Variants in PCDHGA2 observed in about 807,000 individuals in gnomAD.
PCDHGA2 encodes protocadherin gamma subfamily A, 2.
A neutral mutation model predicts 59.2 loss-of-function variants in PCDHGA2; 40 were observed. The ratio of observed to expected loss-of-function variants is 0.68; its 90% CI spans 0.52 to 0.88. The LOEUF is 0.88. PCDHGA2 is among the 40% of genes least tolerant of loss of function. The pLI is 0.00. For synonymous variants in PCDHGA2, 560 were observed against 526.0 expected (o/e 1.06, Z -0.89); for missense variants, 1,226 against 1,204.0 (o/e 1.02, Z -0.27).
chr5:141,362,158 C>G, intron 1 of PCDHGA2: 1 of 1,614,034 alleles, frequency 6.2e-7, no homozygotes, highest in South Asian at 1.1e-5. Flanking sequence ...ATTGCCAGAC[C>G]TCAGCGACCG....
intron 1 of PCDHGA2, among the ~76,000 whole-genome samples, chr5:141,469,189 T>C (rs1393685141): frequency 2.6e-5 from 4 of 151,710 alleles, no homozygotes; most frequent in African/African-American, 9.7e-5. Flanking sequence ...GGCAAGAGGA[T>C]TGCTTGAGCC....
In PCDHGA2 at chr5:141,489,053, G is replaced by C; in HGVS notation, c.2425-5754G>C. 1 of 473,650 alleles carries C rather than the reference G, an allele frequency of 2.1e-6. No homozygotes were observed. Among genetic ancestry groups the C allele is most frequent in the Non-Finnish European group, 3.7e-6 (1 of 270,732 alleles). The allele number at this position is 473,650 out of a possible 1,614,324, so 29.3% of individuals were successfully genotyped here. A position where few individuals can be genotyped will look rare whatever the true frequency, so the allele number is the denominator to read the frequency against. On this transcript the variant is annotated intron_variant, in intron 1 of 3. Transcript: ENST00000394576. The surrounding 1 kb of genome is among the most constrained non-coding windows in gnomAD (Gnocchi z 4.5). ...AGCTCCCCAGCTCCACTCAAATTCA[G>C]CTCCCCTCCCCCCTGCCCACCCCCG...
chr5:141,393,682 C>T (rs756181553), intron 1 of PCDHGA2: 18 of 1,613,870 alleles, frequency 1.1e-5, no homozygotes, highest in Non-Finnish European at 1.3e-5. Context: ...AAACAAACTC[C>T]GTTATTCCAG....
intron 1 of PCDHGA2, chr5:141,423,297 C>T: frequency 1.9e-6 from 3 of 1,614,170 alleles, no homozygotes; most frequent in South Asian, 1.1e-5. Flanking sequence ...CCTCAGACCT[C>T]TCGCTGTACT....
chr5:141,383,620 G>C, intron 1 of PCDHGA2: 1 of 1,613,872 alleles, frequency 6.2e-7, no homozygotes, highest in Middle Eastern at 1.6e-4. Flanking sequence ...CCACACGCCT[G>C]TCTTCTCTCT....
chr5:141,372,816 T>C lies in PCDHGA2; in HGVS notation c.2424+31421T>C, dbSNP rs1480093678. The C allele has an allele frequency of 3.2e-6, 5 of 1,580,556 alleles. No homozygotes were observed. In the Admixed American group the frequency reaches 9.1e-5, roughly 29 times the overall value. On this transcript the variant is annotated intron_variant, in intron 1 of 3. Transcript: ENST00000394576. ...TTCAGGCAATTTGCAAAAGGTGAGTTTCTTCAAACCTTTCCTTCCATAAAT... is the reference window on the plus strand; with the variant it reads ...TTCAGGCAATTTGCAAAAGGTGAGTCTCTTCAAACCTTTCCTTCCATAAAT...
chr5:141,458,496 A>T (rs905073741), intron 1 of PCDHGA2, among the ~76,000 whole-genome samples: 1 of 151,694 alleles, frequency 6.6e-6, no homozygotes, highest in Non-Finnish European at 1.5e-5. Flanking sequence ...CTGCCTGTAC[A>T]TACTGTTTGA....
rs530963064 is a variant in PCDHGA2, at chr5:141,404,506, C to G, written c.2424+63111C>G. ...ACACTGGTGTGCTGTATGCTCTGTG[C>G]TCCTTTGACTATGAGCAGTTTAGAG... is the stretch of plus-strand genomic sequence containing the variant. On this transcript the variant is annotated intron_variant, in intron 1 of 3. Coordinates refer to ENST00000394576, the MANE Select transcript of PCDHGA2 (RefSeq NM_018915.4). The G allele has an allele frequency of 3.2e-5, 52 of 1,613,814 alleles. No individual in the cohort carries two copies. Among genetic ancestry groups the G allele is most frequent in the Non-Finnish European group, 4.3e-5 (51 of 1,179,838 alleles).
At chr5:141,499,331 TCA>T (rs2099791249) in intron 2 of PCDHGA2, among the ~76,000 whole-genome samples, 1 of 152,220 alleles carries the variant, frequency 6.6e-6, no homozygotes, top group African/African-American at 2.4e-5. Context: ...CTGCTCTCTC[TCA>T]GTTTGGGCAG....
intron 1 of PCDHGA2, chr5:141,362,603 C>A: frequency 6.4e-7 from 1 of 1,572,606 alleles, no homozygotes; most frequent in Non-Finnish European, 8.6e-7. Context: ...ATTGTTTCAC[C>A]TAATTTGGGT....
chr5:141,491,850 T>C lies in PCDHGA2; in HGVS notation c.2425-2957T>C. ...CCCGATTCTCGGGATCATTGGACCG[T>C]TTGCGCGAAACCAGAGTGGCCGATT... On this transcript the variant is annotated intron_variant, in intron 1 of 3. Transcript: ENST00000394576. The surrounding 1 kb of genome is among the most constrained non-coding windows in gnomAD (Gnocchi z 6.9). 6.8e-7 allele frequency: 1 copy of C among 1,460,996 alleles called. No homozygotes were observed. The highest frequency in any genetic ancestry group is 2.5e-5 in the East Asian group (1 of 40,084). The allele number at this position is 1,460,996 out of a possible 1,614,324, so 90.5% of individuals were successfully genotyped here.
intron 1 of PCDHGA2, among the ~76,000 whole-genome samples, chr5:141,488,738 A>G (rs1462948813): frequency 1.3e-5 from 2 of 152,222 alleles, no homozygotes; most frequent in Non-Finnish European, 2.9e-5. Context: ...TTCTGAAGTC[A>G]TGCAGGAAGT....
At chr5:141,472,408 G>T (rs780468341) in intron 1 of PCDHGA2, among the ~76,000 whole-genome samples, 1 of 152,064 alleles carries the variant, frequency 6.6e-6, no homozygotes, top group Non-Finnish European at 1.5e-5. Flanking sequence ...AGGCGTGGTG[G>T]CACGCACCTG....
At chr5:141,445,148 C>A (rs1051995635) in intron 1 of PCDHGA2, among the ~76,000 whole-genome samples, 3 of 152,092 alleles carry the variant, frequency 2.0e-5, no homozygotes, top group Non-Finnish European at 4.4e-5. Context: ...TCTAATTGTT[C>A]ATTTCTAGTT....
At chr5:141,347,424 C>T (rs1015166008) in intron 1 of PCDHGA2, among the ~76,000 whole-genome samples, 5 of 151,938 alleles carry the variant, frequency 3.3e-5, no homozygotes, top group Non-Finnish European at 7.4e-5. Flanking sequence ...CAAAGTACTG[C>T]GATTAGAGGC....
At chr5:141,343,778 A>G in intron 1 of PCDHGA2, 1 of 411,218 alleles carries the variant, frequency 2.4e-6, no homozygotes, top group Non-Finnish European at 4.3e-6. Context: ...TAGGCCTCTT[A>G]GTGTCGCTGT....
intron 1 of PCDHGA2, among the ~76,000 whole-genome samples, chr5:141,454,796 A>ATTTTTTTTTTTTTTTTTTTTTTTTTTT (rs61612330): frequency 3.9e-5 from 3 of 77,408 alleles, no homozygotes; most frequent in Admixed American, 1.8e-4. Flanking sequence ...CATGGTTCTA[A>ATTTTTTTTTTTTTTTTTTTTTTTTTTT]TTTTTTTTTT....
intron 1 of PCDHGA2, chr5:141,344,441 G>A (rs1757418907): frequency 6.2e-7 from 1 of 1,613,506 alleles, no homozygotes; most frequent in Non-Finnish European, 8.5e-7. Context: ...TCCCAACAGA[G>A]GAATTGGAAA....
chr5:141,351,964 C>T (rs1422191301), intron 1 of PCDHGA2: 9 of 1,612,616 alleles, frequency 5.6e-6, no homozygotes, highest in Admixed American at 1.7e-5. Flanking sequence ...CTGATGGCTC[C>T]GCCCTCTTCG....
Sources: gnomAD v4.1 joint callset for allele counts (sites outside exome capture counted in the v4.1 genomes callset) on GRCh38, gnomAD v4.1.1 for gene constraint, Gnocchi (gnomAD v3.1) non-coding constraint, MANE v1.5 for transcripts, NCBI Gene and HGNC (gene_info 2026-07-23, HGNC 2026-07-21) for gene names.